The following OXCT1 variants were observed in gnomAD, a reference collection of about 807,000 sequenced individuals.
The protein encoded by OXCT1 is 3-oxoacid CoA-transferase 1.
A neutral mutation model predicts 69.6 loss-of-function variants in OXCT1; 27 were observed. That is an observed-to-expected ratio of 0.39 (90% CI 0.29 to 0.54). The LOEUF (loss-of-function observed/expected upper bound fraction) is 0.54. OXCT1 is among the 20% of genes least tolerant of loss of function. The pLI, the probability that OXCT1 is intolerant of heterozygous loss-of-function variation, is 0.72. For synonymous variants in OXCT1, 202 were observed against 217.8 expected (o/e 0.93, Z 0.64); for missense variants, 437 against 650.2 (o/e 0.67, Z 3.57).
intron 13 of OXCT1, among the ~76,000 whole-genome samples, chr5:41,777,044 C>T (rs780242773): frequency 3.3e-5 from 5 of 152,092 alleles, no homozygotes; most frequent in Non-Finnish European, 5.9e-5. Context: ...TCATACTGAA[C>T]ATATTTTAAT....
chr5:41,827,021 C>T (rs1026686706), intron 7 of OXCT1, among the ~76,000 whole-genome samples: 1 of 152,110 alleles, frequency 6.6e-6, no homozygotes, highest in Non-Finnish European at 1.5e-5. Context: ...TTCCAACATA[C>T]CGTATCTCTT....
At chr5:41,845,557 T>C (rs1427388988) in intron 5 of OXCT1, among the ~76,000 whole-genome samples, 3 of 151,942 alleles carry the variant, frequency 2.0e-5, no homozygotes, top group African/African-American at 4.8e-5. Flanking sequence ...CACTTTTTCC[T>C]GCTTTAAGTA....
chr5:41,803,885 C>G (rs1746540641), intron 9 of OXCT1, among the ~76,000 whole-genome samples: 1 of 152,066 alleles, frequency 6.6e-6, no homozygotes, highest in Admixed American at 6.6e-5. Flanking sequence ...TGCCTATCAA[C>G]ATAGGCAGGC....
chr5:41,775,525 C>A (rs1329630059), intron 13 of OXCT1, among the ~76,000 whole-genome samples: 2 of 152,126 alleles, frequency 1.3e-5, no homozygotes, highest in Non-Finnish European at 2.9e-5. Flanking sequence ...GTTCAGCAAC[C>A]CAGAAGCACT....
At chr5:41,801,907 A>G (rs1253135047) in intron 10 of OXCT1, among the ~76,000 whole-genome samples, 1 of 152,124 alleles carries the variant, frequency 6.6e-6, no homozygotes, top group African/African-American at 2.4e-5. Context: ...GGCATACTAT[A>G]TAAGATGGAG....
chr5:41,750,403 G>C (rs894855074), intron 14 of OXCT1, among the ~76,000 whole-genome samples: 7 of 151,968 alleles, frequency 4.6e-5, no homozygotes, highest in African/African-American at 9.7e-5. Flanking sequence ...GAGGAACACA[G>C]TTGAAACATT....
intron 11 of OXCT1, among the ~76,000 whole-genome samples, chr5:41,799,616 T>G (rs910140565): frequency 2.6e-5 from 4 of 152,182 alleles, no homozygotes; most frequent in Non-Finnish European, 4.4e-5. Flanking sequence ...AGCCTGAAAT[T>G]TGGAACATGC....
intron 7 of OXCT1, among the ~76,000 whole-genome samples, chr5:41,819,362 C>CT (rs1747415779): frequency 7.8e-6 from 1 of 128,100 alleles, no homozygotes; most frequent in Non-Finnish European, 1.6e-5. Flanking sequence ...CTGGCTCTTC[C>CT]TTTTTTGGGG....
chr5:41,810,545 G>A (rs1208147494), intron 7 of OXCT1, among the ~76,000 whole-genome samples: 1 of 151,982 alleles, frequency 6.6e-6, no homozygotes, highest in Non-Finnish European at 1.5e-5. Flanking sequence ...TCTCTAATTG[G>A]TACTTGTCTT....
At position 41,731,615 on chromosome 5, in the gene OXCT1, A is replaced by C; in HGVS notation, c.*114T>G. 1 of 1,436,302 alleles carries C rather than the reference A, an allele frequency of 7.0e-7. No homozygotes were observed. The highest frequency in any genetic ancestry group is 2.0e-5 in the Admixed American group (1 of 49,554). The allele number at this position is 1,436,302 out of a possible 1,614,324, so 89.0% of individuals were successfully genotyped here. ...GGCTGCATAAAGTCTGAAACACAAG[A>C]AAACTAATAAAAAACCACCTGTTAA... On this transcript the variant is annotated 3_prime_UTR_variant, in exon 17 of 17. Coordinates refer to ENST00000196371, the MANE Select transcript of OXCT1 (RefSeq NM_000436.4).
chr5:41,763,201 T>G (rs1169581975), intron 13 of OXCT1, among the ~76,000 whole-genome samples: 1 of 151,966 alleles, frequency 6.6e-6, no homozygotes, highest in East Asian at 1.9e-4. Flanking sequence ...TACAGGTCAA[T>G]GAAACAGAAC....
At chr5:41,734,999 A>T (rs1742815532) in intron 16 of OXCT1, among the ~76,000 whole-genome samples, 1 of 152,226 alleles carries the variant, frequency 6.6e-6, no homozygotes, top group Non-Finnish European at 1.5e-5. Flanking sequence ...AACAGTGGGA[A>T]TGTAAAACGG....
chr5:41,834,687 A>G (rs569217764), intron 7 of OXCT1, among the ~76,000 whole-genome samples: 2 of 152,276 alleles, frequency 1.3e-5, no homozygotes, highest in South Asian at 4.1e-4. Flanking sequence ...AGCAAATATT[A>G]TTAGAGCTAA....
chr5:41,844,550 C>A (rs1392709507), intron 5 of OXCT1, among the ~76,000 whole-genome samples: 1 of 151,986 alleles, frequency 6.6e-6, no homozygotes, highest in Non-Finnish European at 1.5e-5. Flanking sequence ...CTGCACTCAG[C>A]CCCTAGACAC....
intron 15 of OXCT1, among the ~76,000 whole-genome samples, chr5:41,743,751 G>T (rs1298928849): frequency 1.3e-5 from 2 of 152,100 alleles, no homozygotes; most frequent in African/African-American, 4.8e-5. Context: ...TTTCCCCATT[G>T]CTTGTTTTTG....
intron 13 of OXCT1, among the ~76,000 whole-genome samples, chr5:41,776,904 G>T (rs954694368): frequency 6.6e-6 from 1 of 152,070 alleles, no homozygotes; most frequent in African/African-American, 2.4e-5. Context: ...TTTATAAAAC[G>T]ATGTTCTTTG....
rs150171889 is a variant in OXCT1, at chr5:41,805,595, G to C, written c.927C>G (p.Ala309=). The part of the protein sequence containing the change: ...DDVRERIIKR[A]ALEFEDGMYA... Reference sequence around the variant, plus strand: ...ACATGCCATCCTCAAACTCAAGAGCGGCCCTCTTGATGATTCGTTCCCTTA... The same window carrying C: ...ACATGCCATCCTCAAACTCAAGAGCCGCCCTCTTGATGATTCGTTCCCTTA... Residue 309 remains alanine (A), a synonymous_variant, in exon 9 of 17, where the codon GCC becomes GCG. Coordinates refer to ENST00000196371, the MANE Select transcript of OXCT1 (RefSeq NM_000436.4). 6.2e-7 allele frequency: 1 copy of C among 1,612,612 alleles called. No homozygotes were observed. The highest frequency in any genetic ancestry group is 1.1e-5 in the South Asian group (1 of 91,062).
intron 14 of OXCT1, among the ~76,000 whole-genome samples, chr5:41,750,250 T>C (rs1157503993): frequency 6.6e-6 from 1 of 151,752 alleles, no homozygotes; most frequent in African/African-American, 2.4e-5. Flanking sequence ...TTAATCAATT[T>C]TAAACAGTAT....
At chr5:41,841,596 C>T (rs1421705210) in intron 6 of OXCT1, among the ~76,000 whole-genome samples, 1 of 152,170 alleles carries the variant, frequency 6.6e-6, no homozygotes, top group African/African-American at 2.4e-5. Flanking sequence ...CAGAATAGCC[C>T]TTGTGCAGCC....
Sources: gnomAD v4.1 joint callset for allele counts (sites outside exome capture counted in the v4.1 genomes callset) on GRCh38, gnomAD v4.1.1 for gene constraint, MANE v1.5 for transcripts, NCBI Gene and HGNC (gene_info 2026-07-23, HGNC 2026-07-21) for gene names.